The following TMEM132B variants were observed in gnomAD, a reference collection of about 807,000 sequenced individuals.
TMEM132B encodes the protein transmembrane protein 132B.
TMEM132B carries 18 observed loss-of-function variants against 90.8 expected under a neutral mutation model. That is an observed-to-expected ratio of 0.20 (90% CI 0.14 to 0.29). The LOEUF (loss-of-function observed/expected upper bound fraction) is 0.29, where lower values mean the gene tolerates loss of function less well. TMEM132B is among the 10% of genes least tolerant of loss of function. The pLI is 1.00. For synonymous variants in TMEM132B, 504 were observed against 523.3 expected, an observed-to-expected ratio of 0.96 and a Z score of 0.50; for missense variants, 1,096 against 1,326.8, an observed-to-expected ratio of 0.83 and a Z score of 2.70.
chr12:125,402,849 G>A (rs1879357722), intron 2 of TMEM132B, among the ~76,000 whole-genome samples: 2 of 151,948 alleles, frequency 1.3e-5, no homozygotes, highest in African/African-American at 2.4e-5. Flanking sequence ...AGAACCTATG[G>A]AAAATACATA....
intron 2 of TMEM132B, among the ~76,000 whole-genome samples, chr12:125,365,156 A>G (rs60337575): frequency 0.067 from 10,064 of 151,310 alleles, 1,051 homozygotes; most frequent in African/African-American, 0.22. Flanking sequence ...CATTATTTGC[A>G]TACTTTTAAG....
chr12:125,306,766 A>G (rs1272338347), intron 1 of TMEM132B, among the ~76,000 whole-genome samples: 1 of 152,218 alleles, frequency 6.6e-6, no homozygotes, highest in Admixed American at 6.5e-5. Context: ...GCTGCATGTC[A>G]ATTGCACCAT....
intron 3 of TMEM132B, among the ~76,000 whole-genome samples, chr12:125,454,392 TTGTG>T (rs749400783): frequency 2.0e-3 from 224 of 112,072 alleles, no homozygotes; most frequent in Non-Finnish European, 3.3e-3. Context: ...GTGTGTGTGT[TTGTG>T]TGTGTGTGTG....
chr12:125,622,476 TCCTGTGCTGGAAAGGACTCAC>T, intron 5 of TMEM132B: 1 of 985,414 alleles, frequency 1.0e-6, no homozygotes, highest in Middle Eastern at 5.2e-4. Context: ...AACCAACCTT[TCCTGTGCTGGAAAGGACTCAC>T]AGTCAAGAAA....
chr12:125,654,656 G>A lies in TMEM132B; in HGVS notation c.3198G>A (p.Leu1066=), dbSNP rs1469414828. 1.2e-6 allele frequency: 2 copies of A among 1,614,068 alleles called. No homozygotes were observed. Among genetic ancestry groups the A allele is most frequent in the Non-Finnish European group, 1.7e-6 (2 of 1,180,054 alleles). ...NIKWVCQDMG[L]GDSQDFRDYM... ...AGTGGGTCTGCCAAGATATGGGGCT[G>A]GGGGATTCACAGGACTTTAGAGACT... Residue 1066 remains leucine (L), a synonymous_variant, in exon 9 of 9, where the codon CTG becomes CTA. Transcript: ENST00000682704. The surrounding 1 kb of genome is among the most constrained non-coding windows in gnomAD (Gnocchi z 5.8).
chr12:125,347,033 C>T (rs1041403689), intron 1 of TMEM132B, among the ~76,000 whole-genome samples: 2 of 152,210 alleles, frequency 1.3e-5, no homozygotes, highest in Admixed American at 6.5e-5. Flanking sequence ...CATACTTGCA[C>T]ATTAATCTCC....
chr12:125,385,510 G>A (rs1278119350), intron 2 of TMEM132B, among the ~76,000 whole-genome samples: 1 of 152,150 alleles, frequency 6.6e-6, no homozygotes, highest in African/African-American at 2.4e-5. Context: ...ATGGCCAGAG[G>A]GAGCCTTTTT....
Position 125,406,508 on chromosome 12 carries a change from G to A in TMEM132B, c.960-9023G>A, listed in dbSNP as rs1462930530. Reference sequence around the variant, plus strand: ...AAAACCATCTGAGACTCACTGGTCTGGACTGAGCCATGCTCCTCTTTGCAT... The same window carrying A: ...AAAACCATCTGAGACTCACTGGTCTAGACTGAGCCATGCTCCTCTTTGCAT... On this transcript the variant is annotated intron_variant, in intron 2 of 8. Transcript: ENST00000682704. The surrounding 1 kb of genome is among the most constrained non-coding windows in gnomAD (Gnocchi z 8.3). 1.3e-5 allele frequency among the ~76,000 whole-genome samples: 2 copies of A among 152,188 alleles called. No homozygotes were observed. Among genetic ancestry groups the A allele is most frequent in the South Asian group, 2.1e-4 (1 of 4,830 alleles).
chr12:125,401,226 A>G (rs946566254), intron 2 of TMEM132B, among the ~76,000 whole-genome samples: 1 of 152,172 alleles, frequency 6.6e-6, no homozygotes, highest in Non-Finnish European at 1.5e-5. Flanking sequence ...CATTCGACCA[A>G]TATTGATTAA....
chr12:125,245,068 A>G (rs1292195847), intron 1 of TMEM132B, among the ~76,000 whole-genome samples: 1 of 152,218 alleles, frequency 6.6e-6, no homozygotes, highest in Non-Finnish European at 1.5e-5. Flanking sequence ...GGACGAGAGC[A>G]ATTCTGAATT....
chr12:125,292,677 G>A (rs1420650546), intron 1 of TMEM132B, among the ~76,000 whole-genome samples: 1 of 152,144 alleles, frequency 6.6e-6, no homozygotes, highest in African/African-American at 2.4e-5. Context: ...GTTTCCAGTT[G>A]GCCTCTTTCT....
At chr12:125,263,995 A>G (rs1207507377) in intron 1 of TMEM132B, among the ~76,000 whole-genome samples, 1 of 152,192 alleles carries the variant, frequency 6.6e-6, no homozygotes, top group Non-Finnish European at 1.5e-5. Context: ...ACACAAATCT[A>G]TTATCTTACT....
chr12:125,356,722 T>C (rs941803815), intron 2 of TMEM132B, among the ~76,000 whole-genome samples: 3 of 152,216 alleles, frequency 2.0e-5, no homozygotes, highest in Non-Finnish European at 4.4e-5. Context: ...CCCTGCGTGG[T>C]CTGGACCTGT....
intron 5 of TMEM132B, among the ~76,000 whole-genome samples, chr12:125,589,283 C>G (rs186023509): frequency 3.3e-3 from 500 of 151,934 alleles, no homozygotes; most frequent in Non-Finnish European, 4.5e-3. Context: ...GAGATCGAGA[C>G]CATCCTGGCT....
At position 125,407,134 on chromosome 12, in the gene TMEM132B, G is replaced by A. The variant is rs904886642; in HGVS notation, c.960-8397G>A. Among the ~76,000 whole-genome samples, 2 of 152,162 alleles carry A rather than the reference G, an allele frequency of 1.3e-5. No homozygotes were observed. The highest frequency in any genetic ancestry group is 4.8e-5 in the African/African-American group (2 of 41,424). On this transcript the variant is annotated intron_variant, in intron 2 of 8. Transcript: ENST00000682704. The surrounding 1 kb of genome is among the most constrained non-coding windows in gnomAD (Gnocchi z 6.7). ...TCCAGTGGTCAAGCAGATCCCATGTGGCCCAAGCCTCCCTACTATAAATCA... is the reference window on the plus strand; with the variant it reads ...TCCAGTGGTCAAGCAGATCCCATGTAGCCCAAGCCTCCCTACTATAAATCA...
chr12:125,594,711 A>G (rs547550118), intron 5 of TMEM132B, among the ~76,000 whole-genome samples: 1 of 152,310 alleles, frequency 6.6e-6, no homozygotes, highest in South Asian at 2.1e-4. Context: ...CTTTTAAATT[A>G]GGTTATTGTA....
Position 125,493,195 on chromosome 12 carries a change from G to C in TMEM132B, c.1107-26244G>C, listed in dbSNP as rs575750622. ...GCTGGAGCCATGGCCAGACTGCTGGGAGCACTTTGAGGAGGGCATTCCCAG... is the reference window on the plus strand; with the variant it reads ...GCTGGAGCCATGGCCAGACTGCTGGCAGCACTTTGAGGAGGGCATTCCCAG... On this transcript the variant is annotated intron_variant, in intron 3 of 8. Transcript: ENST00000682704. 2.6e-5 allele frequency among the ~76,000 whole-genome samples: 4 copies of C among 152,170 alleles called. No individual in the cohort carries two copies. The East Asian group carries it at 7.7e-4, about 29-fold the overall frequency.
chr12:125,527,376 T>C (rs868524758), intron 4 of TMEM132B, among the ~76,000 whole-genome samples: 218 of 17,078 alleles, frequency 0.013, no homozygotes, highest in Middle Eastern at 0.033. Flanking sequence ...CACCCTCCAC[T>C]CTTCCATCCA....
chr12:125,532,011 A>G (rs1883659131), intron 4 of TMEM132B, among the ~76,000 whole-genome samples: 1 of 152,212 alleles, frequency 6.6e-6, no homozygotes, highest in South Asian at 2.1e-4. Flanking sequence ...CCATAACTGG[A>G]TTTAGCTGTT....
Sources: gnomAD v4.1 joint callset for allele counts (sites outside exome capture counted in the v4.1 genomes callset) on GRCh38, gnomAD v4.1.1 for gene constraint, Gnocchi (gnomAD v3.1) non-coding constraint, MANE v1.5 for transcripts, NCBI Gene and HGNC (gene_info 2026-07-23, HGNC 2026-07-21) for gene names.